The following KDM4C variants were observed in gnomAD, a reference collection of about 807,000 sequenced individuals.
The protein encoded by KDM4C is lysine demethylase 4C.
A neutral mutation model predicts 129.3 loss-of-function variants in KDM4C; 81 were observed. The observed-to-expected ratio is 0.63, with a 90% CI of 0.52 to 0.75. The LOEUF (loss-of-function observed/expected upper bound fraction) is 0.75. Among genes scored for constraint, KDM4C ranks in the 30% least tolerant of loss-of-function variants. The probability of loss-of-function intolerance (pLI) is 0.00; values close to 1 mark genes in which losing one functional copy is unlikely to be tolerated. For missense variants in KDM4C, 1,457 were observed against 1,304.0 expected, an observed-to-expected ratio of 1.12 and a Z score of -1.81; for synonymous variants, 573 against 456.1, an observed-to-expected ratio of 1.26 and a Z score of -3.26.
intron 17 of KDM4C, among the ~76,000 whole-genome samples, chr9:7,073,499 A>T (rs533401786): frequency 1.3e-5 from 2 of 152,330 alleles, no homozygotes; most frequent in South Asian, 4.1e-4. Flanking sequence ...TTGTGGTGGT[A>T]GCTTCCCGAT....
At chr9:6,745,580 A>C (rs1191709464) in intron 1 of KDM4C, among the ~76,000 whole-genome samples, 1 of 33,882 alleles carries the variant, frequency 3.0e-5, no homozygotes, top group Non-Finnish European at 5.8e-5. Context: ...CCTGTCTCCA[A>C]AAAAAAAAAA....
intron 3 of KDM4C, among the ~76,000 whole-genome samples, chr9:6,813,324 C>A (rs1036766503): frequency 1.3e-5 from 2 of 152,192 alleles, no homozygotes; most frequent in Non-Finnish European, 2.9e-5. Flanking sequence ...CCACCATGCC[C>A]ATCCCATGCC....
At chr9:7,162,396 G>T (rs778863687) in intron 19 of KDM4C, among the ~76,000 whole-genome samples, 3 of 152,204 alleles carry the variant, frequency 2.0e-5, no homozygotes, top group Non-Finnish European at 4.4e-5. Flanking sequence ...GTTGAGGTCA[G>T]GCACTGCCAA....
At chr9:6,772,224 A>G (rs988636174) in intron 1 of KDM4C, among the ~76,000 whole-genome samples, 3 of 151,948 alleles carry the variant, frequency 2.0e-5, no homozygotes, top group Admixed American at 1.3e-4. Flanking sequence ...ATCTCGGCTC[A>G]CTGCAAGCTC....
At chr9:6,988,042 C>T (rs1379889712) in intron 11 of KDM4C, among the ~76,000 whole-genome samples, 1 of 150,372 alleles carries the variant, frequency 6.7e-6, no homozygotes, top group African/African-American at 2.4e-5. Flanking sequence ...GTGGTCCTAG[C>T]TACTAGGGAG....
intron 9 of KDM4C, chr9:6,982,802 A>G (rs1329054978): frequency 6.6e-6 from 1 of 152,230 alleles, no homozygotes; most frequent in Non-Finnish European, 1.5e-5. Flanking sequence ...TTGATAGAGA[A>G]CATGGATTTA....
At chr9:6,962,028 A>G (rs1589336863) in intron 8 of KDM4C, among the ~76,000 whole-genome samples, 1 of 152,206 alleles carries the variant, frequency 6.6e-6, no homozygotes, top group African/African-American at 2.4e-5. Context: ...TTCGTTATGT[A>G]CTTATGTCAG....
intron 5 of KDM4C, among the ~76,000 whole-genome samples, chr9:6,855,966 C>A (rs568506107): frequency 3.2e-4 from 49 of 152,180 alleles, no homozygotes; most frequent in African/African-American, 1.1e-3. Flanking sequence ...GCCATGAACT[C>A]CTGGGTTCAA....
At chr9:7,092,435 C>G (rs928879407) in intron 17 of KDM4C, among the ~76,000 whole-genome samples, 1 of 152,180 alleles carries the variant, frequency 6.6e-6, no homozygotes, top group Non-Finnish European at 1.5e-5. Context: ...AGGCCTTGAA[C>G]TCTTCTTTCT....
chr9:6,741,381 C>T (rs1048764678), intron 1 of KDM4C, among the ~76,000 whole-genome samples: 4 of 151,980 alleles, frequency 2.6e-5, no homozygotes, highest in Middle Eastern at 3.4e-3. Flanking sequence ...GGCAACAGAG[C>T]GAGACTCTAT....
At chr9:6,800,731 G>C (rs1053330491) in intron 2 of KDM4C, among the ~76,000 whole-genome samples, 3 of 151,982 alleles carry the variant, frequency 2.0e-5, no homozygotes, top group African/African-American at 7.2e-5. Flanking sequence ...GGCTCAAGCA[G>C]TCGCCCCACC....
chr9:6,853,369 G>C (rs1839200830), intron 5 of KDM4C, among the ~76,000 whole-genome samples: 1 of 152,108 alleles, frequency 6.6e-6, no homozygotes, highest in Non-Finnish European at 1.5e-5. Flanking sequence ...GCTCACGCCT[G>C]TAGCCCCAGC....
chr9:7,123,584 T>TA, intron 18 of KDM4C, among the ~76,000 whole-genome samples: 1 of 152,330 alleles, frequency 6.6e-6, no homozygotes, highest in Middle Eastern at 3.4e-3. Flanking sequence ...GGAACAGTGT[T>TA]ACAGACACCG....
intron 14 of KDM4C, among the ~76,000 whole-genome samples, chr9:7,014,880 G>A (rs1823364747): frequency 6.7e-6 from 1 of 149,378 alleles, no homozygotes; most frequent in Non-Finnish European, 1.5e-5. Flanking sequence ...AAATATAATC[G>A]TAGCCATCTT....
At chr9:6,860,561 G>T (rs1840738006) in intron 5 of KDM4C, among the ~76,000 whole-genome samples, 2 of 152,086 alleles carry the variant, frequency 1.3e-5, no homozygotes, top group Admixed American at 1.3e-4. Flanking sequence ...CAACCCCCAT[G>T]ACATGAGTTT....
intron 19 of KDM4C, among the ~76,000 whole-genome samples, chr9:7,130,486 T>C (rs546856160): frequency 1.1e-4 from 16 of 152,280 alleles, no homozygotes; most frequent in African/African-American, 3.6e-4. Flanking sequence ...TACACTTGAG[T>C]GTTGTGAGAA....
At chr9:6,990,891 A>T (rs950468411) in intron 12 of KDM4C, among the ~76,000 whole-genome samples, 1 of 151,836 alleles carries the variant, frequency 6.6e-6, no homozygotes, top group Non-Finnish European at 1.5e-5. Flanking sequence ...TTTAACTTCA[A>T]CTCTTTACAT....
chr9:7,050,831 C>T (rs1830058384), intron 17 of KDM4C, among the ~76,000 whole-genome samples: 1 of 152,146 alleles, frequency 6.6e-6, no homozygotes, highest in African/African-American at 2.4e-5. Context: ...GGAAGGGCAG[C>T]AGGATTATTT....
At chr9:6,941,564 CT>C (rs1345063578) in intron 8 of KDM4C, 2 of 152,164 alleles carry the variant, frequency 1.3e-5, no homozygotes, top group Non-Finnish European at 2.9e-5. Context: ...TCTAATTTTG[CT>C]TTTCCTCTGA....
Sources: allele counts gnomAD v4.1 joint callset (sites outside exome capture counted in the v4.1 genomes callset), GRCh38; gene constraint gnomAD v4.1.1; transcripts MANE v1.5; gene names NCBI Gene and HGNC (gene_info 2026-07-23, HGNC 2026-07-21).